The following CCL15 variants were observed in gnomAD, a reference collection of about 807,000 sequenced individuals.
CCL15 encodes C-C motif chemokine ligand 15.
Under a neutral mutation model 10.6 loss-of-function variants are expected in CCL15, and 8 were observed. That is an observed-to-expected ratio of 0.75 (90% confidence interval 0.44 to 1.36). The LOEUF (loss-of-function observed/expected upper bound fraction) is 1.36. CCL15 is among the 40% of genes most tolerant of loss of function. The pLI is 0.00. For synonymous variants in CCL15, 51 were observed against 48.8 expected, an observed-to-expected ratio of 1.04 and a Z score of -0.19; for missense variants, 128 against 136.6, an observed-to-expected ratio of 0.94 and a Z score of 0.32.
intron 1 of CCL15, 28 bp downstream of exon 1, chr17:36,001,389 C>T (rs1476999485): frequency 6.2e-7 from 1 of 1,613,678 alleles, no homozygotes; most frequent in Non-Finnish European, 8.5e-7. Flanking sequence ...TGGACCTGGT[C>T]ACCTGGGAGA....
Position 35,997,798 on chromosome 17 carries a change from C to G in CCL15, c.311G>C (p.Cys104Ser). ...TGAGTAGGGCTTCAGCTTTTTCATG[C>G]AATCCTGAACTCCCGGACCACTGGG... is the stretch of plus-strand genomic sequence containing the variant. ...AKPSGPGVQD[C>S]MKKLKPYSI is the part of the protein sequence containing the mutation. Residue 104 changes from cysteine (C) to serine (S), a missense_variant, in exon 4 of 4, where the codon TGC (cysteine) becomes TCC (serine). Transcript: ENST00000617897. 2 of 1,613,932 alleles carry G rather than the reference C, an allele frequency of 1.2e-6. No individual in the cohort carries two copies. Among genetic ancestry groups the G allele is most frequent in the Non-Finnish European group, 1.7e-6 (2 of 1,179,848 alleles).
intron 1 of CCL15, among the ~76,000 whole-genome samples, chr17:36,000,887 C>T (rs889376947): frequency 2.0e-5 from 3 of 152,106 alleles, no homozygotes; most frequent in African/African-American, 4.8e-5. Context: ...CCGTGTGTCA[C>T]GGTGTACCTC....
chr17:35,998,406 A>G lies in CCL15; in HGVS notation c.137-15T>C. The G allele has an allele frequency of 6.3e-7, 1 of 1,577,672 alleles. No homozygotes were observed. The highest frequency in any genetic ancestry group is 8.7e-7 in the Non-Finnish European group (1 of 1,147,988). On this transcript the variant is annotated splice_polypyrimidine_tract_variant and intron_variant, in intron 2 of 3. Transcript: ENST00000617897. ...AAAGTGAAAGCCTGCAGCAAGAGAAAGCGTCATCTGAGGGCAAATCTTTCT... is the reference window on the plus strand; with the variant it reads ...AAAGTGAAAGCCTGCAGCAAGAGAAGGCGTCATCTGAGGGCAAATCTTTCT...
Position 35,998,387 on chromosome 17 carries a change from A to G in CCL15, c.141T>C (p.Phe47=). 1 of 1,611,124 alleles carries G rather than the reference A, an allele frequency of 6.2e-7. No individual in the cohort carries two copies. Among genetic ancestry groups the G allele is most frequent in the Non-Finnish European group, 8.5e-7 (1 of 1,177,464 alleles). Residue 47 remains phenylalanine, a synonymous_variant, in exon 3 of 4, where the codon TTT becomes TTC. Coordinates refer to ENST00000617897, the MANE Select transcript of CCL15 (RefSeq NM_032965.6). The stretch of plus-strand genomic sequence containing the variant: ...AGGTGCAGCAGTCAGCAGCAAAGTG[A>G]AAGCCTGCAGCAAGAGAAAGCGTCA... ...PLENPVVLNS[F]HFAADCCTSY...
At position 35,997,772 on chromosome 17, in the gene CCL15, T is replaced by C. The variant is rs1481732126; in HGVS notation, c.337A>G (p.Ile113Val). ...DCMKKLKPYSI is the reference protein window; with the variant it reads ...DCMKKLKPYSV ...CCTCTTTTGTCTCTTTATTATTATA[T>C]TGAGTAGGGCTTCAGCTTTTTCATG... The change falls in exon 4 of 4, where the codon ATA (isoleucine) becomes GTA (valine). Residue 113 changes from isoleucine (I) to valine (V), a missense_variant. Transcript: ENST00000617897. 19 of 1,610,744 alleles carry C rather than the reference T, an allele frequency of 1.2e-5. No homozygotes were observed. The highest frequency in any genetic ancestry group is 1.7e-5 in the Admixed American group (1 of 60,006).
chr17:36,000,588 A>T (rs2089982495), intron 1 of CCL15, among the ~76,000 whole-genome samples: 1 of 152,026 alleles, frequency 6.6e-6, no homozygotes, highest in African/African-American at 2.4e-5. Flanking sequence ...TCCTGAGCCC[A>T]TATGCCCATC....
intron 2 of CCL15, 127 bp from the exon 3 acceptor site, chr17:35,998,518 G>T: frequency 1.4e-6 from 1 of 735,790 alleles, no homozygotes; most frequent in Non-Finnish European, 2.3e-6. Flanking sequence ...GCCTCTCCCT[G>T]CTTCAGACCC....
At chr17:36,001,338 A>G in intron 1 of CCL15, 79 bp downstream of exon 1, 1 of 1,553,922 alleles carries the variant, frequency 6.4e-7, no homozygotes, top group South Asian at 1.1e-5. Flanking sequence ...TGGGCTGGAG[A>G]GTAGTCACAA....
intron 2 of CCL15, 104 bp from the exon 3 acceptor site, chr17:35,998,495 C>T: frequency 1.2e-6 from 1 of 832,216 alleles, no homozygotes. Flanking sequence ...TCCTCCTCGG[C>T]TAGCACTTGC....
In CCL15 at chr17:35,998,378, A is replaced by G. The variant is rs2089943520; in HGVS notation, c.150T>C (p.Ala50=). 3.7e-6 allele frequency: 6 copies of G among 1,613,452 alleles called. No homozygotes were observed. Among genetic ancestry groups the G allele is most frequent in the South Asian group, 1.1e-5 (1 of 91,026 alleles). The change falls in exon 3 of 4, where the codon GCT becomes GCC. Residue 50 remains alanine, a synonymous_variant. Coordinates refer to ENST00000617897, the MANE Select transcript of CCL15 (RefSeq NM_032965.6). ...NPVVLNSFHF[A]ADCCTSYISQ... is the part of the protein sequence containing the mutation. The stretch of plus-strand genomic sequence containing the variant: ...AGATGTAGGAGGTGCAGCAGTCAGC[A>G]GCAAAGTGAAAGCCTGCAGCAAGAG...
intron 1 of CCL15, 86 bp downstream of exon 1, chr17:36,001,331 G>T: frequency 6.5e-7 from 1 of 1,529,466 alleles, no homozygotes; most frequent in Non-Finnish European, 9.0e-7. Context: ...CCATGTCTGG[G>T]CTGGAGAGTA....
At position 36,001,426 on chromosome 17, in the gene CCL15, A is replaced by G; in HGVS notation, c.67T>C (p.Phe23Leu). 6.2e-7 allele frequency: 1 copy of G among 1,614,134 alleles called. No homozygotes were observed. The highest frequency in any genetic ancestry group is 1.1e-5 in the South Asian group (1 of 91,076). ...AGCTCACTGGACTCACCATTTGTGAACTGGGCCTGGGATCCAAGGACAGCA... is the reference window on the plus strand; with the variant it reads ...AGCTCACTGGACTCACCATTTGTGAGCTGGGCCTGGGATCCAAGGACAGCA... ...LVAVLGSQAQ[F>L]TNDAETELMM... Residue 23 changes from phenylalanine (F) to leucine (L), a missense_variant, in exon 1 of 4, where the codon TTC becomes CTC. Coordinates refer to ENST00000617897, the MANE Select transcript of CCL15 (RefSeq NM_032965.6).
intron 1 of CCL15, among the ~76,000 whole-genome samples, chr17:36,000,537 G>C (rs2089981832): frequency 6.7e-6 from 1 of 149,938 alleles, no homozygotes; most frequent in Non-Finnish European, 1.5e-5. Flanking sequence ...AATTCATAGA[G>C]ATAGCTAAGG....
intron 1 of CCL15, among the ~76,000 whole-genome samples, chr17:36,000,462 CAAAAA>C (rs71157588): frequency 6.1e-5 from 3 of 49,088 alleles, no homozygotes; most frequent in Admixed American, 2.1e-4. Flanking sequence ...AACTCCATCT[CAAAAA>C]AAAAAAAAAA....
At chr17:35,998,953 T>G (rs1461978427) in intron 1 of CCL15, 28 bp from the exon 2 acceptor site, 1 of 1,589,006 alleles carries the variant, frequency 6.3e-7, no homozygotes, top group African/African-American at 1.3e-5. Context: ...GGGAAGGAAA[T>G]CACTGGGTGG....
intron 1 of CCL15, 83 bp downstream of exon 1, chr17:36,001,334 G>A (rs1277145671): frequency 5.2e-6 from 8 of 1,541,852 alleles, no homozygotes; most frequent in Non-Finnish European, 7.1e-6. Context: ...TGTCTGGGCT[G>A]GAGAGTAGTC....
intron 1 of CCL15, among the ~76,000 whole-genome samples, chr17:35,999,584 C>T (rs1448342561): frequency 6.6e-6 from 1 of 151,866 alleles, no homozygotes; most frequent in Non-Finnish European, 1.5e-5. Context: ...CTGCCTCAGC[C>T]TCCTGAGAAG....
At chr17:35,998,066 C>G (rs544245319) in intron 3 of CCL15, among the ~76,000 whole-genome samples, 1 of 152,210 alleles carries the variant, frequency 6.6e-6, no homozygotes, top group African/African-American at 2.4e-5. Flanking sequence ...CCTTGGGAAG[C>G]CTTGTGCTTG....
chr17:36,000,435 C>A lies in CCL15; in HGVS notation c.76+982G>T, dbSNP rs555355842. 1.6e-4 allele frequency among the ~76,000 whole-genome samples: 23 copies of A among 145,984 alleles called. 1 individual carries two copies. The highest frequency in any genetic ancestry group is 8.9e-4 in the South Asian group (4 of 4,474). On this transcript the variant is annotated intron_variant, in intron 1 of 3. Coordinates refer to ENST00000617897, the MANE Select transcript of CCL15 (RefSeq NM_032965.6). The stretch of plus-strand genomic sequence containing the variant: ...CCGAGATCGCACCACTGCACTCCAG[C>A]CTGGGAGACAGAGTGAAACTCCATC...
Sources: gnomAD v4.1 joint callset for allele counts (sites outside exome capture counted in the v4.1 genomes callset) on GRCh38, gnomAD v4.1.1 for gene constraint, MANE v1.5 for transcripts, NCBI Gene and HGNC (gene_info 2026-07-23, HGNC 2026-07-21) for gene names.